The following PPP1R12B variants were observed in gnomAD, a reference collection of about 807,000 sequenced individuals.
PPP1R12B encodes protein phosphatase 1 regulatory subunit 12B.
PPP1R12B carries 76 observed loss-of-function variants against 126.1 expected under a neutral mutation model. The observed-to-expected ratio is 0.60, with a 90% CI of 0.50 to 0.73. PPP1R12B has a LOEUF of 0.73. Ranked by LOEUF, PPP1R12B falls within the 30% of genes least tolerant of loss-of-function variation. The probability of loss-of-function intolerance (pLI) is 0.00; values close to 1 mark genes in which losing one functional copy is unlikely to be tolerated. For synonymous variants in PPP1R12B, 356 were observed against 434.7 expected, an observed-to-expected ratio of 0.82 and a Z score of 2.25; for missense variants, 1,052 against 1,205.1, an observed-to-expected ratio of 0.87 and a Z score of 1.88.
At chr1:202,351,212 TTTGTTGTTGTTG>T (rs60936070) in intron 1 of PPP1R12B, among the ~76,000 whole-genome samples, 50 of 146,456 alleles carry the variant, frequency 3.4e-4, no homozygotes, top group African/African-American at 7.1e-4. Context: ...TGGAGAAGTT[TTTGTTGTTGTTG>T]TTGTTGTTGT....
At chr1:202,438,629 C>CG in intron 10 of PPP1R12B, 2 of 521,304 alleles carry the variant, frequency 3.8e-6, no homozygotes, top group South Asian at 3.5e-5. Flanking sequence ...CCCGCCCCGT[C>CG]CCTGGCCCCG....
chr1:202,445,116 A>G (rs1030023461), intron 12 of PPP1R12B: 6 of 1,246,994 alleles, frequency 4.8e-6, no homozygotes, highest in South Asian at 4.1e-5. Context: ...ATCTCCTGCT[A>G]CCTCACCCAT....
chr1:202,394,393 T>C (rs1384956971), intron 1 of PPP1R12B, among the ~76,000 whole-genome samples: 1 of 152,160 alleles, frequency 6.6e-6, no homozygotes, highest in Non-Finnish European at 1.5e-5. Context: ...GGATATATTG[T>C]AGTTAGATTT....
rs572894144 is a variant in PPP1R12B, at chr1:202,472,050, C to T, written c.1851-16483C>T. On this transcript the variant is annotated intron_variant, in intron 13 of 23. Coordinates refer to ENST00000608999, the MANE Select transcript of PPP1R12B (RefSeq NM_002481.4). ...GTAGGAATTGGGGCTCTGCACCAGG[C>T]GTTTCTTCTTGTGTTTCCTCTTCTC... is the stretch of plus-strand genomic sequence containing the variant. 1.6e-4 allele frequency: 256 copies of T among 1,594,430 alleles called. No homozygotes were observed. The South Asian group carries it at 2.5e-3, about 16-fold the overall frequency.
At chr1:202,537,279 G>A (rs571499640) in intron 18 of PPP1R12B, among the ~76,000 whole-genome samples, 75 of 152,104 alleles carry the variant, frequency 4.9e-4, no homozygotes, top group Non-Finnish European at 9.0e-4. Flanking sequence ...GCGTGAACCC[G>A]GGAGGCGGAG....
At chr1:202,404,080 T>C (rs1336947074) in intron 1 of PPP1R12B, among the ~76,000 whole-genome samples, 2 of 152,178 alleles carry the variant, frequency 1.3e-5, no homozygotes, top group Non-Finnish European at 2.9e-5. Flanking sequence ...ACTGCAATTA[T>C]CATTCTAAGA....
At chr1:202,465,956 G>C (rs938762971) in intron 13 of PPP1R12B, among the ~76,000 whole-genome samples, 2 of 152,148 alleles carry the variant, frequency 1.3e-5, no homozygotes, top group African/African-American at 4.8e-5. Context: ...GTGTTTAATA[G>C]AACACTTAGC....
chr1:202,476,885 A>G (rs1437889845), intron 13 of PPP1R12B, among the ~76,000 whole-genome samples: 4 of 151,996 alleles, frequency 2.6e-5, no homozygotes, highest in African/African-American at 9.7e-5. Flanking sequence ...TTATTTTGTT[A>G]TCATTCTAGA....
At chr1:202,470,094 T>C (rs1436999740) in intron 13 of PPP1R12B, among the ~76,000 whole-genome samples, 1 of 152,218 alleles carries the variant, frequency 6.6e-6, no homozygotes, top group African/African-American at 2.4e-5. Context: ...TTCTAGGAGT[T>C]GGTGAGAGTA....
chr1:202,388,119 CAAAA>C (rs112103028), intron 1 of PPP1R12B, among the ~76,000 whole-genome samples: 2 of 104,194 alleles, frequency 1.9e-5, no homozygotes, highest in Non-Finnish European at 2.1e-5. Flanking sequence ...ATAGAAGCAG[CAAAA>C]AAAAAAAAAA....
At chr1:202,487,581 G>T (rs1428447303) in intron 13 of PPP1R12B, among the ~76,000 whole-genome samples, 1 of 151,546 alleles carries the variant, frequency 6.6e-6, no homozygotes, top group South Asian at 2.1e-4. Context: ...CAATAGTCCC[G>T]TTATCCATGG....
intron 18 of PPP1R12B, among the ~76,000 whole-genome samples, chr1:202,537,119 C>T (rs543866965): frequency 3.3e-5 from 5 of 152,212 alleles, no homozygotes; most frequent in South Asian, 2.1e-4. Context: ...GAGGCTGAGA[C>T]GGGCCGATCA....
At chr1:202,562,238 A>G (rs1890875) in intron 19 of PPP1R12B, among the ~76,000 whole-genome samples, 66,222 of 152,048 alleles carry the variant, frequency 0.44, 15,747 homozygotes, top group East Asian at 0.71. Context: ...AAAACTAGCT[A>G]TTTGGGCACT....
intron 1 of PPP1R12B, among the ~76,000 whole-genome samples, chr1:202,386,798 A>G (rs1663217112): frequency 6.6e-6 from 1 of 151,966 alleles, no homozygotes; most frequent in South Asian, 2.1e-4. Context: ...GATTTTTATA[A>G]TATGCTAGTC....
At chr1:202,496,237 C>T (rs1312612912) in intron 17 of PPP1R12B, among the ~76,000 whole-genome samples, 1 of 152,192 alleles carries the variant, frequency 6.6e-6, no homozygotes, top group Non-Finnish European at 1.5e-5. Flanking sequence ...TGTTTACTAA[C>T]TACAAATACA....
intron 18 of PPP1R12B, among the ~76,000 whole-genome samples, chr1:202,547,350 A>G (rs188834250): frequency 5.9e-5 from 9 of 152,282 alleles, no homozygotes; most frequent in Admixed American, 2.6e-4. Flanking sequence ...TGACCTGGTT[A>G]TCATGCAGTG....
At chr1:202,439,130 C>T (rs939018127) in intron 10 of PPP1R12B, 4 of 1,577,562 alleles carry the variant, frequency 2.5e-6, no homozygotes, top group African/African-American at 1.3e-5. Context: ...GGAGGAGCAG[C>T]TCCTGTAGTT....
chr1:202,549,217 C>T (rs1686039751), intron 18 of PPP1R12B, among the ~76,000 whole-genome samples: 1 of 152,110 alleles, frequency 6.6e-6, no homozygotes, highest in African/African-American at 2.4e-5. Flanking sequence ...TGTAAGATCA[C>T]TTACAAGTCA....
At position 202,377,873 on chromosome 1, in the gene PPP1R12B, G is replaced by C. The variant is rs574459263; in HGVS notation, c.291+28731G>C. Reference sequence around the variant, plus strand: ...TTTTTTTTTTTTGAGACGGAGTCTCGCTGTTGCCCAGGCTGGAGTGCAGTG... The same window carrying C: ...TTTTTTTTTTTTGAGACGGAGTCTCCCTGTTGCCCAGGCTGGAGTGCAGTG... On this transcript the variant is annotated intron_variant, in intron 1 of 23. Coordinates refer to ENST00000608999, the MANE Select transcript of PPP1R12B (RefSeq NM_002481.4). 1.2e-4 allele frequency among the ~76,000 whole-genome samples: 14 copies of C among 115,638 alleles called. No individual in the cohort carries two copies. In the Admixed American group the frequency reaches 1.6e-3, roughly 13 times the overall value. 75.9% of individuals were successfully genotyped at this position (115,638 alleles called of 152,430 possible).
Sources: allele counts gnomAD v4.1 joint callset (sites outside exome capture counted in the v4.1 genomes callset), GRCh38; gene constraint gnomAD v4.1.1; transcripts MANE v1.5; gene names NCBI Gene and HGNC (gene_info 2026-07-23, HGNC 2026-07-21).